The following ETFA variants were observed in gnomAD, a reference collection of about 807,000 sequenced individuals.
ETFA encodes electron transfer flavoprotein subunit alpha, mitochondrial.
In ETFA, 22 loss-of-function variants were observed where a neutral mutation model predicts 46.2. That is an observed-to-expected ratio of 0.48 (90% CI 0.34 to 0.68). The LOEUF is 0.68. Ranked by LOEUF, ETFA falls within the 30% of genes least tolerant of loss-of-function variation. The pLI is 0.01. For missense variants in ETFA, 345 were observed against 401.1 expected, an observed-to-expected ratio of 0.86 and a Z score of 1.19; for synonymous variants, 131 against 139.9, an observed-to-expected ratio of 0.94 and a Z score of 0.45.
At chr15:76,224,606 A>C (rs1166855880) in intron 11 of ETFA, among the ~76,000 whole-genome samples, 1 of 152,198 alleles carries the variant, frequency 6.6e-6, no homozygotes, top group Non-Finnish European at 1.5e-5. Flanking sequence ...GAAGTCACAG[A>C]AATGGGCCAG....
intron 4 of ETFA, among the ~76,000 whole-genome samples, chr15:76,288,920 C>CTTTTTTTTTTTTTTTTTTTTT (rs35295593): frequency 2.7e-5 from 3 of 110,118 alleles, no homozygotes; most frequent in Non-Finnish European, 3.5e-5. Context: ...TCTTCTTCTT[C>CTTTTTTTTTTTTTTTTTTTTT]TTTTTTTTTT....
In ETFA at chr15:76,285,734, T is replaced by C; in HGVS notation, c.567A>G (p.Ser189=). 1 of 1,558,808 alleles carries C rather than the reference T, an allele frequency of 6.4e-7. No homozygotes were observed. Among genetic ancestry groups the C allele is most frequent in the East Asian group, 2.2e-5 (1 of 44,594 alleles). Residue 189 remains serine, a synonymous_variant, in exon 7 of 12, where the codon TCA becomes TCG. Transcript: ENST00000557943. The part of the protein sequence containing the change: ...SGGSASSEKA[S]STSPVEISEW... ...CTGATATTTCCACTGGTGAAGTACTTGATGCTGCATACATTAATACATAAT... is the reference window on the plus strand; with the variant it reads ...CTGATATTTCCACTGGTGAAGTACTCGATGCTGCATACATTAATACATAAT...
At chr15:76,302,843 T>C (rs1279000656) in intron 1 of ETFA, among the ~76,000 whole-genome samples, 2 of 152,172 alleles carry the variant, frequency 1.3e-5, no homozygotes. Flanking sequence ...ATAAAGTCTA[T>C]TTTCAAAAAA....
chr15:76,278,781 T>G (rs903446424), intron 8 of ETFA, among the ~76,000 whole-genome samples: 3 of 152,336 alleles, frequency 2.0e-5, no homozygotes, highest in Non-Finnish European at 4.4e-5. Context: ...AATTTCCACA[T>G]GCTCCAAGTA....
chr15:76,261,226 T>C (rs774379883), intron 9 of ETFA: 8 of 1,564,812 alleles, frequency 5.1e-6, no homozygotes, highest in Non-Finnish European at 5.3e-6. Context: ...ACCCACAGCC[T>C]TGCAAGACAG....
chr15:76,247,477 G>A (rs1157640589), intron 9 of ETFA, among the ~76,000 whole-genome samples: 1 of 152,150 alleles, frequency 6.6e-6, no homozygotes, highest in Non-Finnish European at 1.5e-5. Context: ...GGATCCAATA[G>A]TAAGCTCCTT....
At chr15:76,261,447 G>A (rs2039412240) in intron 9 of ETFA, 3 of 950,096 alleles carry the variant, frequency 3.2e-6, no homozygotes, top group African/African-American at 1.6e-5. Context: ...ACCAGTTCTG[G>A]ACCACAGACC....
At chr15:76,264,232 G>A (rs2039448010) in intron 9 of ETFA, among the ~76,000 whole-genome samples, 1 of 152,190 alleles carries the variant, frequency 6.6e-6, no homozygotes, top group African/African-American at 2.4e-5. Context: ...ATATGATTGG[G>A]ATACTTTAAC....
At chr15:76,243,859 G>A (rs1003625559) in intron 9 of ETFA, among the ~76,000 whole-genome samples, 1 of 151,088 alleles carries the variant, frequency 6.6e-6, no homozygotes, top group African/African-American at 2.4e-5. Flanking sequence ...ATCCAAAACC[G>A]TTCTCAAAAT....
At chr15:76,290,333 CTTTTTT>C (rs10682432) in intron 4 of ETFA, among the ~76,000 whole-genome samples, 7 of 97,140 alleles carry the variant, frequency 7.2e-5, no homozygotes, top group African/African-American at 1.9e-4. Context: ...AGTCGCTACT[CTTTTTT>C]TTTTTTTTTT....
intron 8 of ETFA, 105 bp from the exon 9 acceptor site, chr15:76,274,599 A>G: frequency 1.1e-6 from 1 of 911,718 alleles, no homozygotes; most frequent in Non-Finnish European, 1.8e-6. Context: ...AATTCTAAGT[A>G]CTAGTATATT....
intron 9 of ETFA, among the ~76,000 whole-genome samples, chr15:76,252,442 C>T (rs1175620291): frequency 6.6e-6 from 1 of 152,204 alleles, no homozygotes; most frequent in Admixed American, 6.5e-5. Flanking sequence ...ATGACTCAAA[C>T]TGCTACCATC....
intron 10 of ETFA, among the ~76,000 whole-genome samples, chr15:76,229,463 C>G (rs2039042290): frequency 6.6e-6 from 1 of 152,220 alleles, no homozygotes; most frequent in South Asian, 2.1e-4. Flanking sequence ...CAATCCAGCC[C>G]TGTTGGCATG....
rs375694926 is a variant in ETFA, at chr15:76,265,079, G to A, written c.816+9333C>T. Reference sequence around the variant, plus strand: ...CTTAACAAACATACAGCTGTCCCCCGCCACAGCAGACAGTGCTGCCATAGA... The same window carrying A: ...CTTAACAAACATACAGCTGTCCCCCACCACAGCAGACAGTGCTGCCATAGA... On this transcript the variant is annotated intron_variant, in intron 9 of 11. Transcript: ENST00000557943. Among the ~76,000 whole-genome samples the A allele has an allele frequency of 1.1e-3, 170 of 152,246 alleles. 1 individual carries two copies. The highest frequency in any genetic ancestry group is 3.9e-3 in the African/African-American group (162 of 41,552).
chr15:76,263,197 G>C (rs1459523054), intron 9 of ETFA, among the ~76,000 whole-genome samples: 1 of 152,182 alleles, frequency 6.6e-6, no homozygotes, highest in Non-Finnish European at 1.5e-5. Flanking sequence ...TCCAGAGCTT[G>C]GGGCCTTTGC....
Position 76,311,383 on chromosome 15 carries a change from G to T in ETFA, c.6C>A (p.Phe2Leu). 1 of 1,564,000 alleles carries T rather than the reference G, an allele frequency of 6.4e-7. No individual in the cohort carries two copies. The change falls in exon 1 of 12, where the codon TTC becomes TTA. Residue 2 changes from phenylalanine to leucine, a missense_variant. By Grantham distance (22) the Phe-to-Leu change is conservative. Coordinates refer to ENST00000557943, the MANE Select transcript of ETFA (RefSeq NM_000126.4). ...GGAGCTGCCCCGGAGCCGCCGCTCG[G>T]AACATGGTCTCCGCTTCCGCCGCAA... Reference protein sequence around the residue: MFRAAAPGQLRR... With the variant: MLRAAAPGQLRR...
chr15:76,265,707 G>C (rs2039464255), intron 9 of ETFA, among the ~76,000 whole-genome samples: 1 of 152,140 alleles, frequency 6.6e-6, no homozygotes, highest in Non-Finnish European at 1.5e-5. Context: ...AATTTATGGG[G>C]TAGAGACTTA....
At chr15:76,289,345 C>T (rs930165945) in intron 4 of ETFA, among the ~76,000 whole-genome samples, 1 of 152,168 alleles carries the variant, frequency 6.6e-6, no homozygotes, top group Non-Finnish European at 1.5e-5. Flanking sequence ...GGAATTATTA[C>T]TGGAATAGTT....
chr15:76,265,760 T>C (rs1467353273), intron 9 of ETFA, among the ~76,000 whole-genome samples: 2 of 152,186 alleles, frequency 1.3e-5, no homozygotes, highest in Non-Finnish European at 2.9e-5. Flanking sequence ...TATGGATCAA[T>C]ATAGTGATAT....
Sources: allele counts gnomAD v4.1 joint callset (sites outside exome capture counted in the v4.1 genomes callset), GRCh38; gene constraint gnomAD v4.1.1; transcripts MANE v1.5; gene names NCBI Gene and HGNC (gene_info 2026-07-23, HGNC 2026-07-21).